Variants in RTN4 observed in about 807,000 individuals in gnomAD.
The protein encoded by RTN4 is reticulon 4, also known as reticulon-4.
In RTN4, 32 loss-of-function variants were observed where a neutral mutation model predicts 90.4. The observed-to-expected ratio is 0.35, with a 90% confidence interval of 0.27 to 0.48. The LOEUF is 0.48. RTN4 is among the 20% of genes least tolerant of loss of function. The pLI is 0.99. For missense variants in RTN4, 1,706 were observed against 1,430.2 expected, an observed-to-expected ratio of 1.19 and a Z score of -3.11; for synonymous variants, 629 against 552.5, an observed-to-expected ratio of 1.14 and a Z score of -1.94.
chr2:55,115,863 C>T (rs1668115423), upstream of RTN4, among the ~76,000 whole-genome samples: 2 of 152,174 alleles, frequency 1.3e-5, no homozygotes, highest in African/African-American at 4.8e-5. Context: ...TTTATGCCAT[C>T]CTCTTATGAC....
At chr2:55,114,714 G>C (rs772558010), upstream of RTN4, among the ~76,000 whole-genome samples, 2 of 151,986 alleles carry the variant, frequency 1.3e-5, no homozygotes, top group Non-Finnish European at 2.9e-5. Flanking sequence ...AAATAAACAA[G>C]TAAATAAGTA....
At chr2:55,083,437 A>G (rs1668759500) in intron 1 of RTN4, among the ~76,000 whole-genome samples, 1 of 151,586 alleles carries the variant, frequency 6.6e-6, no homozygotes, top group African/African-American at 2.4e-5. Flanking sequence ...CAGAGGTTGC[A>G]GTGAGCCAAG....
At chr2:55,039,667 C>T (rs1368141634) in intron 1 of RTN4, among the ~76,000 whole-genome samples, 1 of 152,094 alleles carries the variant, frequency 6.6e-6, no homozygotes, top group Non-Finnish European at 1.5e-5. Context: ...GTAATCACAG[C>T]TACTCGGAGA....
At position 55,049,766 on chromosome 2, in the gene RTN4, T is replaced by C. The variant is rs185564856; in HGVS notation, c.535A>G (p.Arg179Gly). ...PPSTPAAPKR[R>G]GSSGSVDETL... ...TCACCCACTGAGCCCGAGGAGCCCC[T>C]GCGCTTGGGCGCGGCCGGGGTGGAG... The change falls in exon 1 of 9, where the codon AGG (arginine) becomes GGG (glycine). Residue 179 changes from arginine to glycine, a missense_variant. Physicochemically the swap from Arg to Gly is moderately radical, Grantham distance 125. Transcript: ENST00000337526. The C allele has an allele frequency of 2.6e-4, 346 of 1,325,518 alleles. 2 individuals carry two copies. The East Asian group carries it at 8.3e-3, about 32-fold the overall frequency. The allele number at this position is 1,325,518 out of a possible 1,614,324, so 82.1% of individuals were successfully genotyped here.
At chr2:54,987,827 T>A in intron 3 of RTN4, 129 bp from the exon 4 acceptor site, 1 of 715,412 alleles carries the variant, frequency 1.4e-6, no homozygotes, top group Non-Finnish European at 2.3e-6. Flanking sequence ...AACACTAAGT[T>A]AAAGAAACAC....
At chr2:55,085,303 A>G (rs952110539) in intron 1 of RTN4, among the ~76,000 whole-genome samples, 3 of 150,348 alleles carry the variant, frequency 2.0e-5, no homozygotes, top group African/African-American at 7.3e-5. Flanking sequence ...GTGTGTATAT[A>G]TACATATACA....
chr2:55,121,851 T>C, the RTN4 span, among the ~76,000 whole-genome samples: 1 of 152,218 alleles, frequency 6.6e-6, no homozygotes, highest in Non-Finnish European at 1.5e-5. Flanking sequence ...GTGCTTGTCA[T>C]GTCATGTTAC....
chr2:54,981,269 G>GC (rs757381948), intron 5 of RTN4, among the ~76,000 whole-genome samples: 1 of 150,976 alleles, frequency 6.6e-6, no homozygotes, highest in Non-Finnish European at 1.5e-5. Context: ...GGTTATAAAG[G>GC]CTAAAATGTT....
chr2:55,055,509 T>C (rs1668172347), upstream of RTN4, among the ~76,000 whole-genome samples: 1 of 152,210 alleles, frequency 6.6e-6, no homozygotes, highest in Non-Finnish European at 1.5e-5. Flanking sequence ...GGCTCACGCC[T>C]GTAATCCCAG....
chr2:54,975,366 C>T (rs921533716), intron 5 of RTN4, among the ~76,000 whole-genome samples: 2 of 152,208 alleles, frequency 1.3e-5, no homozygotes, highest in African/African-American at 4.8e-5. Context: ...GTCTGGCAAT[C>T]ACTTTGACCT....
At chr2:54,978,957 G>A (rs1677892341) in intron 5 of RTN4, among the ~76,000 whole-genome samples, 2 of 152,056 alleles carry the variant, frequency 1.3e-5, no homozygotes, top group South Asian at 4.1e-4. Flanking sequence ...TTGCTTTAGG[G>A]TGACAGAATA....
intron 3 of RTN4, among the ~76,000 whole-genome samples, chr2:54,994,845 C>T (rs1679290043): frequency 6.6e-6 from 1 of 152,194 alleles, no homozygotes; most frequent in African/African-American, 2.4e-5. Flanking sequence ...GAAACTGCAA[C>T]TTTAAGTGAA....
intron 1 of RTN4, among the ~76,000 whole-genome samples, chr2:55,043,711 C>T (rs182122467): frequency 8.3e-4 from 126 of 152,138 alleles, no homozygotes; most frequent in Admixed American, 1.9e-3. Context: ...CATGGTGAAA[C>T]CCCGTCTCTA....
At chr2:55,126,086 G>A in the RTN4 span, among the ~76,000 whole-genome samples, 65 of 139,394 alleles carry the variant, frequency 4.7e-4, no homozygotes, top group African/African-American at 1.6e-3. Context: ...AAAAAGGTCC[G>A]GGCATGGTGG....
At chr2:55,085,396 A>T (rs1668818380) in intron 1 of RTN4, among the ~76,000 whole-genome samples, 2 of 152,122 alleles carry the variant, frequency 1.3e-5, no homozygotes, top group Admixed American at 6.5e-5. Context: ...AGCAAGTCCA[A>T]AATCTGCAGG....
chr2:55,054,097 T>G (rs745543413), upstream of RTN4, among the ~76,000 whole-genome samples: 3 of 152,168 alleles, frequency 2.0e-5, no homozygotes, highest in Non-Finnish European at 2.9e-5. Context: ...ACCCATAAAT[T>G]TATACAAATA....
the RTN4 span, among the ~76,000 whole-genome samples, chr2:55,118,776 C>G: frequency 4.6e-5 from 7 of 152,188 alleles, no homozygotes; most frequent in Non-Finnish European, 8.8e-5. Context: ...AGACTGCTCT[C>G]TAATGCAGAT....
At chr2:55,003,127 G>C (rs899417900) in intron 3 of RTN4, among the ~76,000 whole-genome samples, 2 of 152,118 alleles carry the variant, frequency 1.3e-5, no homozygotes, top group Non-Finnish European at 2.9e-5. Context: ...AGTTGGGGGA[G>C]GGGAAGAGCT....
At chr2:54,975,286 A>G (rs546160434) in intron 5 of RTN4, among the ~76,000 whole-genome samples, 23 of 152,358 alleles carry the variant, frequency 1.5e-4, no homozygotes, top group Middle Eastern at 3.4e-3. Flanking sequence ...GCACAAAGTC[A>G]GTCTGAATTT....
Sources: allele counts gnomAD v4.1 joint callset (sites outside exome capture counted in the v4.1 genomes callset), GRCh38; gene constraint gnomAD v4.1.1; transcripts MANE v1.5; gene names NCBI Gene and HGNC (gene_info 2026-07-23, HGNC 2026-07-21).